VWA5B1: variants seen among roughly 807,000 people sequenced by gnomAD.
VWA5B1 encodes the protein von Willebrand factor A domain-containing protein 5B1.
A neutral mutation model predicts 118.2 loss-of-function variants in VWA5B1; 115 were observed. The ratio of observed to expected loss-of-function variants is 0.97; its 90% CI spans 0.84 to 1.14. The LOEUF is 1.14. Among genes scored for constraint, VWA5B1 ranks in the 50% most tolerant of loss-of-function variants. The pLI, the probability that VWA5B1 is intolerant of heterozygous loss-of-function variation, is 0.00. For missense variants in VWA5B1, 1,596 were observed against 1,603.8 expected (o/e 1.00, Z 0.08); for synonymous variants, 682 against 658.4 (o/e 1.04, Z -0.55).
intron 9 of VWA5B1, 116 bp downstream of exon 9, chr1:20,328,116 C>G (rs2089442306): frequency 1.1e-6 from 1 of 937,664 alleles, no homozygotes; most frequent in South Asian, 1.5e-5. Context: ...AGCTGCCTAC[C>G]CACAGAGAAC....
At chr1:20,349,944 G>T (rs1480192042) in intron 18 of VWA5B1, among the ~76,000 whole-genome samples, 1 of 152,086 alleles carries the variant, frequency 6.6e-6, no homozygotes. Flanking sequence ...TGGTGGCGGG[G>T]GTCAGGATTT....
At chr1:20,333,779 G>T (rs1019527592) in intron 12 of VWA5B1, among the ~76,000 whole-genome samples, 1 of 152,214 alleles carries the variant, frequency 6.6e-6, no homozygotes, top group Non-Finnish European at 1.5e-5. Flanking sequence ...AAATGTGAGA[G>T]GTTGCCAAAG....
intron 1 of VWA5B1, chr1:20,294,108 C>T (rs532694111): frequency 7.2e-5 from 11 of 152,354 alleles, no homozygotes; most frequent in African/African-American, 2.4e-4. Context: ...CCTCAAGAGG[C>T]TTGCAGTCTC....
rs4062863 is a variant in VWA5B1, at chr1:20,321,113, CA to C, written c.966+1623del. ...ACAGAGATGCCAAGAGTAACAGAGG[CA>C]AAAAAAAAAAAAAAACACGAAAAGA... On this transcript the variant is annotated intron_variant, in intron 7 of 21. Transcript: ENST00000289815. 9.1e-3 allele frequency among the ~76,000 whole-genome samples: 856 copies of C among 94,164 alleles called. 7 individuals carry two copies. The highest frequency in any genetic ancestry group is 0.036 in the Middle Eastern group (5 of 138). 61.8% of individuals were successfully genotyped at this position (94,164 alleles called of 152,430 possible). A position where few individuals can be genotyped will look rare whatever the true frequency, so the allele number is the denominator to read the frequency against.
chr1:20,333,091 G>A (rs2089618866), intron 12 of VWA5B1, 140 bp downstream of exon 12: 1 of 1,104,304 alleles, frequency 9.1e-7, no homozygotes, highest in East Asian at 2.6e-5. Context: ...AGTTTTCCCA[G>A]TTGTGGGTTT....
At chr1:20,328,358 G>A (rs1241694031) in intron 9 of VWA5B1, among the ~76,000 whole-genome samples, 3 of 152,140 alleles carry the variant, frequency 2.0e-5, no homozygotes, top group African/African-American at 7.2e-5. Context: ...ATGCAAGGTT[G>A]AGCTAAGGAA....
At chr1:20,309,471 C>A (rs1158231868) in intron 1 of VWA5B1, among the ~76,000 whole-genome samples, 1 of 152,170 alleles carries the variant, frequency 6.6e-6, no homozygotes, top group Non-Finnish European at 1.5e-5. Context: ...GTGGGCCTTC[C>A]AGGCAGAGCA....
chr1:20,314,458 C>T lies in VWA5B1; in HGVS notation c.429C>T (p.Ile143=), dbSNP rs1283869865. ...TTGCCCCCATGGAGAATGTCACCAT[C>T]TTCATCAGCACCTCCTCGGAGCTCC... The part of the protein sequence containing the change: ...GTIAPMENVT[I]FISTSSELPT... The change falls in exon 4 of 22, where the codon ATC becomes ATT. Residue 143 remains isoleucine, a synonymous_variant. Transcript: ENST00000289815. The T allele has an allele frequency of 6.4e-7, 1 of 1,551,838 alleles. No homozygotes were observed. Among genetic ancestry groups the T allele is most frequent in the Non-Finnish European group, 8.7e-7 (1 of 1,147,034 alleles).
At chr1:20,317,229 C>T (rs1019016822) in intron 4 of VWA5B1, among the ~76,000 whole-genome samples, 1 of 151,964 alleles carries the variant, frequency 6.6e-6, no homozygotes, top group Non-Finnish European at 1.5e-5. Context: ...TCAGTGTCCC[C>T]ACATGGAAAG....
rs891047395 is a variant in VWA5B1, at chr1:20,353,990, G to A, written c.3375G>A (p.Leu1125=). The change falls in exon 22 of 22, where the codon CTG becomes CTA. Residue 1125 remains leucine, a synonymous_variant. Transcript: ENST00000289815. The part of the protein sequence containing the change: ...FSLEPLAKGK[L]GLEPRAVVEH... The stretch of plus-strand genomic sequence containing the variant: ...TGGAGCCTCTGGCCAAGGGCAAGCT[G>A]GGCCTGGAGCCGAGGGCAGTGGTGG... The A allele has an allele frequency of 5.8e-6, 9 of 1,551,648 alleles. No homozygotes were observed. Among genetic ancestry groups the A allele is most frequent in the Admixed American group, 3.9e-5 (2 of 50,994 alleles).
chr1:20,333,097 G>T (rs1046997810), intron 12 of VWA5B1, 146 bp downstream of exon 12: 47 of 1,031,984 alleles, frequency 4.6e-5, no homozygotes, highest in Non-Finnish European at 6.1e-5. Context: ...CCCAGTTGTG[G>T]GTTTACAGTT....
intron 1 of VWA5B1, among the ~76,000 whole-genome samples, chr1:20,291,359 T>TCTCTCTCTCTC (rs2088297636): frequency 2.3e-4 from 24 of 103,390 alleles, no homozygotes; most frequent in Admixed American, 3.0e-4. Context: ...CTTTCTTTCT[T>TCTCTCTCTCTC]TCTCTCTCTC....
intron 13 of VWA5B1, 36 bp downstream of exon 13, chr1:20,336,522 T>C: frequency 7.6e-7 from 1 of 1,320,498 alleles, no homozygotes; most frequent in Non-Finnish European, 9.8e-7. Context: ...TGCCTTACAT[T>C]GAGCACTTAC....
At chr1:20,302,752 T>C (rs931394142) in intron 1 of VWA5B1, among the ~76,000 whole-genome samples, 2 of 151,008 alleles carry the variant, frequency 1.3e-5, no homozygotes, top group African/African-American at 4.9e-5. Flanking sequence ...GAAGGCTCCA[T>C]GGAGGTGGTG....
intron 5 of VWA5B1, among the ~76,000 whole-genome samples, chr1:20,317,941 C>G (rs1450551457): frequency 2.6e-5 from 4 of 151,556 alleles, no homozygotes; most frequent in African/African-American, 9.7e-5. Flanking sequence ...GCCCTTGGTT[C>G]TCTCCTAGAG....
Position 20,354,651 on chromosome 1 carries a change from G to A in VWA5B1, c.*388G>A, listed in dbSNP as rs1394012793. 2 of 245,616 alleles carry A rather than the reference G, an allele frequency of 8.1e-6. No homozygotes were observed. The highest frequency in any genetic ancestry group is 1.2e-4 in the South Asian group (2 of 17,000). The allele number at this position is 245,616 out of a possible 1,614,324, so 15.2% of individuals were successfully genotyped here. On this transcript the variant is annotated 3_prime_UTR_variant, in exon 22 of 22. Transcript: ENST00000289815. Reference sequence around the variant, plus strand: ...CCCTGTCTGGAGGTAGACCACGTGGGCACGGAGTGGACACAGCAATGCCCA... The same window carrying A: ...CCCTGTCTGGAGGTAGACCACGTGGACACGGAGTGGACACAGCAATGCCCA...
intron 1 of VWA5B1, among the ~76,000 whole-genome samples, chr1:20,297,762 G>A (rs1214737621): frequency 6.6e-6 from 1 of 152,196 alleles, no homozygotes; most frequent in Non-Finnish European, 1.5e-5. Context: ...GCACAGCAAA[G>A]CAGCAGGTCC....
At chr1:20,329,287 C>CT (rs10578067) in intron 9 of VWA5B1, among the ~76,000 whole-genome samples, 1,763 of 89,214 alleles carry the variant, frequency 0.02, 93 homozygotes, top group African/African-American at 0.037. Context: ...TTTCTTTTCC[C>CT]TTTTTTTTTT....
At chr1:20,322,357 G>T (rs1570127566) in intron 7 of VWA5B1, among the ~76,000 whole-genome samples, 1 of 152,162 alleles carries the variant, frequency 6.6e-6, no homozygotes, top group African/African-American at 2.4e-5. Context: ...AGTCGGGGTG[G>T]AAAGTGAAAG....
Sources: gnomAD v4.1 joint callset for allele counts (sites outside exome capture counted in the v4.1 genomes callset) on GRCh38, gnomAD v4.1.1 for gene constraint, MANE v1.5 for transcripts, NCBI Gene and HGNC (gene_info 2026-07-23, HGNC 2026-07-21) for gene names.